DGLUCY: variants seen among roughly 807,000 people sequenced by gnomAD.
The protein encoded by DGLUCY is D-glutamate cyclase, mitochondrial.
Under a neutral mutation model 58.5 loss-of-function variants are expected in DGLUCY, and 58 were observed. The ratio of observed to expected loss-of-function variants is 0.99; its 90% confidence interval spans 0.80 to 1.23. The LOEUF (loss-of-function observed/expected upper bound fraction) is 1.23, where lower values mean the gene tolerates loss of function less well. Among genes scored for constraint, DGLUCY ranks in the 50% most tolerant of loss-of-function variants. DGLUCY has a pLI of 0.00. For synonymous variants in DGLUCY, 325 were observed against 314.1 expected (o/e 1.03, Z -0.37); for missense variants, 779 against 784.7 (o/e 0.99, Z 0.09).
At chr14:91,129,608 A>G (rs1226051510) in intron 1 of DGLUCY, among the ~76,000 whole-genome samples, 1 of 151,396 alleles carries the variant, frequency 6.6e-6, no homozygotes, top group African/African-American at 2.4e-5. Flanking sequence ...AGAATGTACT[A>G]TATTGCTGTG....
chr14:91,099,783 T>A (rs1449764008), intron 1 of DGLUCY, among the ~76,000 whole-genome samples: 1 of 152,146 alleles, frequency 6.6e-6, no homozygotes, highest in Non-Finnish European at 1.5e-5. Flanking sequence ...GGTTTCCAGT[T>A]CTGCCCTTGC....
chr14:91,089,448 T>G (rs1359688468), intron 1 of DGLUCY, among the ~76,000 whole-genome samples: 5 of 152,254 alleles, frequency 3.3e-5, no homozygotes, highest in African/African-American at 1.2e-4. Context: ...CTTAAGCAGC[T>G]TTGCGTGCTT....
upstream of DGLUCY, among the ~76,000 whole-genome samples, chr14:91,104,636 A>G (rs906894248): frequency 6.6e-6 from 1 of 152,138 alleles, no homozygotes; most frequent in African/African-American, 2.4e-5. Context: ...TCCATGAAAC[A>G]CTTCTCTCTT....
chr14:91,165,964 T>C (rs1022899714), intron 3 of DGLUCY, among the ~76,000 whole-genome samples: 4 of 152,170 alleles, frequency 2.6e-5, no homozygotes, highest in Admixed American at 2.6e-4. Flanking sequence ...AGCAATAGGA[T>C]TGGGTAAATC....
intron 1 of DGLUCY, among the ~76,000 whole-genome samples, chr14:91,068,454 A>T (rs2043864168): frequency 6.6e-6 from 1 of 152,216 alleles, no homozygotes; most frequent in African/African-American, 2.4e-5. Context: ...GGATCACCTG[A>T]GGTTGGGAGT....
At chr14:91,126,532 T>C in intron 1 of DGLUCY, 1 of 223,600 alleles carries the variant, frequency 4.5e-6, no homozygotes, top group East Asian at 1.1e-4. Flanking sequence ...GTGACCTCCC[T>C]ACAAACAAAT....
chr14:91,087,244 AT>A, intron 1 of DGLUCY, among the ~76,000 whole-genome samples: 1 of 152,320 alleles, frequency 6.6e-6, no homozygotes, highest in East Asian at 1.9e-4. Context: ...TTACAAAATC[AT>A]CTTTGTCCAT....
chr14:91,109,709 G>A (rs1285550503), upstream of DGLUCY, among the ~76,000 whole-genome samples: 1 of 152,166 alleles, frequency 6.6e-6, no homozygotes, highest in East Asian at 1.9e-4. Context: ...TAAAGGTACT[G>A]ATCCCATCAG....
intron 1 of DGLUCY, among the ~76,000 whole-genome samples, chr14:91,087,237 CA>C (rs1194692548): frequency 6.6e-6 from 1 of 152,208 alleles, no homozygotes; most frequent in African/African-American, 2.4e-5. Flanking sequence ...ACATTGCTTA[CA>C]AAATCATCTT....
chr14:91,090,832 C>G (rs894118926), intron 1 of DGLUCY, among the ~76,000 whole-genome samples: 1 of 152,194 alleles, frequency 6.6e-6, no homozygotes, highest in African/African-American at 2.4e-5. Context: ...GTGGGGATGG[C>G]TCCATCTTCC....
chr14:91,129,090 A>AG, intron 1 of DGLUCY, among the ~76,000 whole-genome samples: 1 of 152,132 alleles, frequency 6.6e-6, no homozygotes, highest in South Asian at 2.1e-4. Flanking sequence ...TTTGAGCGTC[A>AG]GGGGACCCAG....
rs181807849 is a variant in DGLUCY, at chr14:91,180,155, A to G, written c.731-1031A>G. ...TCCACCCTCCTTGGCCTCCCAAAGT[A>G]TTGGGATTACAGCCGTGAGCCACTG... On this transcript the variant is annotated intron_variant, in intron 7 of 13. Coordinates refer to ENST00000256324, the MANE Select transcript of DGLUCY (RefSeq NM_001102368.3). 4.8e-3 allele frequency among the ~76,000 whole-genome samples: 732 copies of G among 151,742 alleles called. 7 individuals carry two copies. The highest frequency in any genetic ancestry group is 0.017 in the African/African-American group (690 of 41,424).
At chr14:91,223,687 AG>A (rs1172671068) in intron 13 of DGLUCY, 1 of 1,288,182 alleles carries the variant, frequency 7.8e-7, no homozygotes, top group Non-Finnish European at 1.0e-6. Flanking sequence ...AGGAGAGCAA[AG>A]GGAGAAAGCT....
intron 5 of DGLUCY, among the ~76,000 whole-genome samples, chr14:91,171,793 G>A (rs546837554): frequency 2.2e-4 from 33 of 152,310 alleles, no homozygotes; most frequent in African/African-American, 7.9e-4. Flanking sequence ...AGATCAAACC[G>A]GGCAACATCT....
At chr14:91,139,035 G>A (rs555202216) in intron 1 of DGLUCY, among the ~76,000 whole-genome samples, 2 of 152,306 alleles carry the variant, frequency 1.3e-5, no homozygotes, top group South Asian at 4.2e-4. Context: ...ACCAATAGGA[G>A]ATACAGATAT....
chr14:91,203,509 C>T (rs2050696870), intron 11 of DGLUCY, among the ~76,000 whole-genome samples: 1 of 152,168 alleles, frequency 6.6e-6, no homozygotes, highest in Non-Finnish European at 1.5e-5. Context: ...AGGTGCATTG[C>T]ATGAAAGGTT....
chr14:91,162,619 G>A (rs1274510749), intron 3 of DGLUCY, among the ~76,000 whole-genome samples: 6 of 152,138 alleles, frequency 3.9e-5, no homozygotes, highest in African/African-American at 1.2e-4. Context: ...ACAAAGGGCC[G>A]GGCACGGTGG....
chr14:91,158,710 AC>A (rs2047800494), intron 2 of DGLUCY: 1 of 151,948 alleles, frequency 6.6e-6, no homozygotes, highest in Non-Finnish European at 1.5e-5. Context: ...CTGAACTCCC[AC>A]CTTTGTGCCA....
At chr14:91,176,755 C>G (rs1391092167) in intron 7 of DGLUCY, among the ~76,000 whole-genome samples, 2 of 152,094 alleles carry the variant, frequency 1.3e-5, no homozygotes, top group East Asian at 3.9e-4. Flanking sequence ...GTGCATGCCA[C>G]CACACCTGGC....
Sources: allele counts gnomAD v4.1 joint callset (sites outside exome capture counted in the v4.1 genomes callset), GRCh38; gene constraint gnomAD v4.1.1; transcripts MANE v1.5; gene names NCBI Gene and HGNC (gene_info 2026-07-23, HGNC 2026-07-21).